The following CRYZL1 variants were observed in gnomAD, a reference collection of about 807,000 sequenced individuals.
The protein encoded by CRYZL1 is crystallin zeta like 1.
In CRYZL1, 34 loss-of-function variants were observed where a neutral mutation model predicts 50.6. The ratio of observed to expected loss-of-function variants is 0.67; its 90% CI spans 0.51 to 0.89. The LOEUF (loss-of-function observed/expected upper bound fraction) is 0.89. Ranked by LOEUF, CRYZL1 falls within the 40% of genes least tolerant of loss-of-function variation. The pLI, the probability that CRYZL1 is intolerant of heterozygous loss-of-function variation, is 0.00. For synonymous variants in CRYZL1, 125 were observed against 134.3 expected (o/e 0.93, Z 0.48); for missense variants, 354 against 402.3 (o/e 0.88, Z 1.03).
intron 4 of CRYZL1, among the ~76,000 whole-genome samples, chr21:33,618,676 T>C (rs146910052): frequency 6.6e-6 from 1 of 152,234 alleles, no homozygotes; most frequent in Non-Finnish European, 1.5e-5. Flanking sequence ...TACTTTCAAG[T>C]CTTTCTTTTG....
At chr21:33,615,801 C>T (rs2086923420) in intron 5 of CRYZL1, among the ~76,000 whole-genome samples, 1 of 152,190 alleles carries the variant, frequency 6.6e-6, no homozygotes, top group Non-Finnish European at 1.5e-5. Flanking sequence ...AAGCATGTGA[C>T]TTGTAACTTT....
At chr21:33,605,321 T>G (rs1482075494) in intron 6 of CRYZL1, among the ~76,000 whole-genome samples, 1 of 151,984 alleles carries the variant, frequency 6.6e-6, no homozygotes, top group Non-Finnish European at 1.5e-5. Flanking sequence ...GAATGATATT[T>G]TAAAAAGATA....
At chr21:33,599,737 T>G (rs529403108) in intron 8 of CRYZL1, among the ~76,000 whole-genome samples, 1 of 151,826 alleles carries the variant, frequency 6.6e-6, no homozygotes, top group African/African-American at 2.4e-5. Context: ...GTTCAAGCAA[T>G]CCTCCTGCCC....
intron 2 of CRYZL1, 120 bp downstream of exon 2, chr21:33,631,366 A>T: frequency 1.7e-6 from 1 of 588,894 alleles, no homozygotes; most frequent in Non-Finnish European, 2.8e-6. Context: ...CTGTAATTTG[A>T]GGAGTTTCAT....
At chr21:33,620,900 A>ATT (rs770153924) in intron 4 of CRYZL1, among the ~76,000 whole-genome samples, 64 of 112,806 alleles carry the variant, frequency 5.7e-4, no homozygotes, top group South Asian at 1.2e-3. Context: ...GGGGTGTCCA[A>ATT]TCTTTTTTTT....
chr21:33,618,154 T>C (rs1449388674), intron 4 of CRYZL1, among the ~76,000 whole-genome samples: 1 of 151,570 alleles, frequency 6.6e-6, no homozygotes, highest in Non-Finnish European at 1.5e-5. Context: ...CCGGGCGTGG[T>C]GGTGGGTGCC....
At chr21:33,603,852 G>C (rs1431233014) in intron 6 of CRYZL1, among the ~76,000 whole-genome samples, 1 of 152,206 alleles carries the variant, frequency 6.6e-6, no homozygotes, top group Non-Finnish European at 1.5e-5. Context: ...CTGGTGGAGA[G>C]AGAGCACAAC....
chr21:33,635,739 T>G (rs903763116), intron 1 of CRYZL1, among the ~76,000 whole-genome samples: 1 of 151,732 alleles, frequency 6.6e-6, no homozygotes, highest in Non-Finnish European at 1.5e-5. Context: ...AACCAGAACT[T>G]TGGGAGACCG....
chr21:33,620,283 G>C (rs2086979123), intron 4 of CRYZL1, among the ~76,000 whole-genome samples: 1 of 152,098 alleles, frequency 6.6e-6, no homozygotes, highest in Non-Finnish European at 1.5e-5. Context: ...TGAACCACCT[G>C]TTAGTGAATA....
intron 4 of CRYZL1, among the ~76,000 whole-genome samples, chr21:33,618,996 A>G (rs1330107057): frequency 6.6e-6 from 1 of 152,188 alleles, no homozygotes; most frequent in Non-Finnish European, 1.5e-5. Flanking sequence ...TCCAGCATAG[A>G]TCTCTCACCC....
At position 33,616,719 on chromosome 21, in the gene CRYZL1, A is replaced by G. The variant is rs199987497; in HGVS notation, c.249T>C (p.Asp83=). The part of the protein sequence containing the change: ...VGSKVSFFQP[D]DEVVGILPLD... Reference sequence around the variant, plus strand: ...ACTATAACTTACCAACTACTTCATCATCTGGTTGAAAGAATGATACCTTGC... The same window carrying G: ...ACTATAACTTACCAACTACTTCATCGTCTGGTTGAAAGAATGATACCTTGC... Residue 83 remains aspartate, a synonymous_variant, in exon 5 of 13, where the codon GAT becomes GAC. Transcript: ENST00000381554. 6.2e-7 allele frequency: 1 copy of G among 1,609,552 alleles called. No homozygotes were observed. Among genetic ancestry groups the G allele is most frequent in the East Asian group, 2.2e-5 (1 of 44,714 alleles).
chr21:33,636,279 T>C (rs1389430525), intron 1 of CRYZL1, among the ~76,000 whole-genome samples: 1 of 151,892 alleles, frequency 6.6e-6, no homozygotes, highest in African/African-American at 2.4e-5. Context: ...TGCTCACCTG[T>C]AGTTCTATCT....
intron 1 of CRYZL1, among the ~76,000 whole-genome samples, chr21:33,632,036 C>T (rs2087143519): frequency 6.6e-6 from 1 of 151,720 alleles, no homozygotes; most frequent in Non-Finnish European, 1.5e-5. Context: ...AGTATTTAAA[C>T]TTATAGCCGG....
chr21:33,598,850 T>C (rs903247866), intron 9 of CRYZL1, among the ~76,000 whole-genome samples: 2 of 151,444 alleles, frequency 1.3e-5, no homozygotes, highest in Non-Finnish European at 2.9e-5. Flanking sequence ...TTAGTGTTAC[T>C]GTATTTTATG....
chr21:33,610,727 G>GTT (rs747790692), intron 6 of CRYZL1, among the ~76,000 whole-genome samples: 3,058 of 101,086 alleles, frequency 0.03, 155 homozygotes, highest in Middle Eastern at 0.049. Context: ...TTGTTTGGTT[G>GTT]TTTTTTTTTT....
At chr21:33,632,674 G>A (rs2087155866) in intron 1 of CRYZL1, among the ~76,000 whole-genome samples, 1 of 152,110 alleles carries the variant, frequency 6.6e-6, no homozygotes, top group South Asian at 2.1e-4. Flanking sequence ...CACCGCGCCC[G>A]GCTCTGTGAA....
chr21:33,629,774 T>C (rs2087116346), intron 2 of CRYZL1, among the ~76,000 whole-genome samples: 1 of 152,220 alleles, frequency 6.6e-6, no homozygotes, highest in Admixed American at 6.5e-5. Flanking sequence ...TTATGTTGAA[T>C]AGAAGTAGTG....
intron 2 of CRYZL1, among the ~76,000 whole-genome samples, chr21:33,630,956 C>A (rs369622348): frequency 4.6e-5 from 7 of 151,900 alleles, no homozygotes; most frequent in African/African-American, 1.2e-4. Context: ...ATTGCATAGA[C>A]GTAGAGAGTC....
intron 6 of CRYZL1, 81 bp downstream of exon 6, chr21:33,613,457 C>A: frequency 1.0e-6 from 1 of 977,970 alleles, no homozygotes; most frequent in South Asian, 1.4e-5. Flanking sequence ...ATGGTAGATT[C>A]AAAAAAATTA....
Sources: gnomAD v4.1 joint callset for allele counts (sites outside exome capture counted in the v4.1 genomes callset) on GRCh38, gnomAD v4.1.1 for gene constraint, MANE v1.5 for transcripts, NCBI Gene and HGNC (gene_info 2026-07-23, HGNC 2026-07-21) for gene names.